SND1: variants seen among roughly 807,000 people sequenced by gnomAD.
SND1 encodes staphylococcal nuclease and tudor domain containing 1.
Under a neutral mutation model 121.7 loss-of-function variants are expected in SND1, and 38 were observed. The observed-to-expected ratio is 0.31, with a 90% CI of 0.24 to 0.41. SND1 has a LOEUF of 0.41. SND1 is among the 10% of genes least tolerant of loss of function. The pLI is 1.00. For synonymous variants in SND1, 401 were observed against 447.4 expected, an observed-to-expected ratio of 0.90 and a Z score of 1.31; for missense variants, 868 against 1,184.6, an observed-to-expected ratio of 0.73 and a Z score of 3.92.
intron 16 of SND1, among the ~76,000 whole-genome samples, chr7:127,992,627 G>T (rs1163061264): frequency 6.6e-6 from 1 of 152,154 alleles, no homozygotes; most frequent in Non-Finnish European, 1.5e-5. Flanking sequence ...ATCATTTACT[G>T]TCTAAGTCAA....
intron 12 of SND1, among the ~76,000 whole-genome samples, chr7:127,885,731 T>C (rs1799892867): frequency 6.6e-6 from 1 of 152,128 alleles, no homozygotes; most frequent in Non-Finnish European, 1.5e-5. Context: ...AGCTTGTTTG[T>C]GTGAATTTTT....
At chr7:127,785,030 C>T (rs924214239) in intron 10 of SND1, among the ~76,000 whole-genome samples, 3 of 152,136 alleles carry the variant, frequency 2.0e-5, no homozygotes, top group African/African-American at 7.2e-5. Context: ...CTGCCTTGAC[C>T]TCCTGCCTCA....
chr7:127,887,136 G>A (rs1239509420), intron 12 of SND1, among the ~76,000 whole-genome samples: 9 of 152,032 alleles, frequency 5.9e-5, no homozygotes, highest in Non-Finnish European at 1.3e-4. Flanking sequence ...TGGAACTACA[G>A]GCATGCACCA....
intron 16 of SND1, among the ~76,000 whole-genome samples, chr7:128,051,779 AC>A (rs1793050664): frequency 6.6e-6 from 1 of 152,220 alleles, no homozygotes; most frequent in African/African-American, 2.4e-5. Flanking sequence ...CAAGGAACGA[AC>A]ACTTGTGTAC....
intron 12 of SND1, among the ~76,000 whole-genome samples, chr7:127,854,100 C>T (rs1433649858): frequency 6.6e-6 from 1 of 152,234 alleles, no homozygotes; most frequent in African/African-American, 2.4e-5. Flanking sequence ...TTTCTAGCAT[C>T]ATTAGGGCTT....
intron 14 of SND1, among the ~76,000 whole-genome samples, chr7:127,926,855 T>G (rs1800855056): frequency 6.6e-6 from 1 of 152,000 alleles, no homozygotes; most frequent in African/African-American, 2.4e-5. Flanking sequence ...CCTCCCAAAG[T>G]GCTGAGATTA....
chr7:127,881,856 CT>C (rs1799798321), intron 12 of SND1, among the ~76,000 whole-genome samples: 1 of 152,156 alleles, frequency 6.6e-6, no homozygotes, highest in Non-Finnish European at 1.5e-5. Context: ...TCACTGTAGC[CT>C]TGATCTCCTG....
At chr7:127,892,290 G>A (rs1025136138) in intron 13 of SND1, among the ~76,000 whole-genome samples, 13 of 152,026 alleles carry the variant, frequency 8.6e-5, no homozygotes, top group Non-Finnish European at 1.8e-4. Context: ...TCATTTCATG[G>A]GCGCTCAGGG....
At chr7:127,858,044 C>T in intron 12 of SND1, 1 of 1,343,740 alleles carries the variant, frequency 7.4e-7, no homozygotes. Flanking sequence ...TCCACCAGAC[C>T]ATCTCCTGGC....
At chr7:127,860,326 T>C (rs193271736) in intron 12 of SND1, among the ~76,000 whole-genome samples, 2 of 152,348 alleles carry the variant, frequency 1.3e-5, no homozygotes, top group Admixed American at 1.3e-4. Flanking sequence ...CTGAAACGTC[T>C]AGTTGTAGAT....
At chr7:127,800,045 C>T (rs573986624) in intron 10 of SND1, among the ~76,000 whole-genome samples, 1 of 152,296 alleles carries the variant, frequency 6.6e-6, no homozygotes, top group South Asian at 2.1e-4. Context: ...AAAACAGTGG[C>T]TATCCCTGTG....
At chr7:127,708,201 G>A (rs1279033823) in intron 9 of SND1, among the ~76,000 whole-genome samples, 3 of 152,162 alleles carry the variant, frequency 2.0e-5, no homozygotes, top group Non-Finnish European at 4.4e-5. Flanking sequence ...TGTTCCAAAT[G>A]TGTTTAAGGT....
chr7:127,716,709 C>T lies in SND1; in HGVS notation c.1039-4578C>T, dbSNP rs565523525. Among the ~76,000 whole-genome samples, 16 of 152,166 alleles carry T rather than the reference C, an allele frequency of 1.1e-4. No homozygotes were observed. The South Asian group carries it at 2.5e-3, about 24-fold the overall frequency. ...TCTTTTTCTTGCTGAACTTCTTTGG[C>T]TAAGACTGTCAGTACTATGTTAAAT... On this transcript the variant is annotated intron_variant, in intron 9 of 23. Transcript: ENST00000354725.
At chr7:128,025,070 T>C (rs1419860646) in intron 16 of SND1, among the ~76,000 whole-genome samples, 1 of 152,218 alleles carries the variant, frequency 6.6e-6, no homozygotes, top group East Asian at 1.9e-4. Flanking sequence ...CTGTCTGCCA[T>C]TGGGCCTAAG....
chr7:127,911,296 G>A (rs530956174), intron 14 of SND1, among the ~76,000 whole-genome samples: 8 of 152,262 alleles, frequency 5.3e-5, no homozygotes, highest in Non-Finnish European at 8.8e-5. Flanking sequence ...CAGCCACCTC[G>A]TAAGTTTCTC....
intron 16 of SND1, among the ~76,000 whole-genome samples, chr7:128,060,912 C>T (rs1358054777): frequency 6.6e-6 from 1 of 152,224 alleles, no homozygotes; most frequent in Non-Finnish European, 1.5e-5. Context: ...TTCATTTCCT[C>T]TCTCCATTTC....
At chr7:127,694,086 G>A (rs1027604771) in intron 2 of SND1, among the ~76,000 whole-genome samples, 1 of 152,204 alleles carries the variant, frequency 6.6e-6, no homozygotes, top group Non-Finnish European at 1.5e-5. Flanking sequence ...TTTGTCAGGG[G>A]CTGTTACTGG....
At chr7:127,739,170 G>A (rs973421530) in intron 10 of SND1, among the ~76,000 whole-genome samples, 4 of 152,206 alleles carry the variant, frequency 2.6e-5, no homozygotes, top group Non-Finnish European at 5.9e-5. Flanking sequence ...TGTGTCATTT[G>A]TATAGGTCCT....
At chr7:128,067,812 C>T (rs756760833) in intron 16 of SND1, among the ~76,000 whole-genome samples, 3 of 152,132 alleles carry the variant, frequency 2.0e-5, no homozygotes, top group Non-Finnish European at 2.9e-5. Context: ...TGTGTGGGGT[C>T]TCCCTGTCCT....
Sources: gnomAD v4.1 joint callset for allele counts (sites outside exome capture counted in the v4.1 genomes callset) on GRCh38, gnomAD v4.1.1 for gene constraint, MANE v1.5 for transcripts, NCBI Gene and HGNC (gene_info 2026-07-23, HGNC 2026-07-21) for gene names.